PTPRB: variants seen among roughly 807,000 people sequenced by gnomAD.
The protein encoded by PTPRB is protein tyrosine phosphatase receptor type B.
PTPRB carries 97 observed loss-of-function variants against 238.1 expected under a neutral mutation model. That is an observed-to-expected ratio of 0.41 (90% CI 0.35 to 0.48). The LOEUF is 0.48. PTPRB is among the 20% of genes least tolerant of loss of function. The pLI, the probability that PTPRB is intolerant of heterozygous loss-of-function variation, is 0.30. For synonymous variants in PTPRB, 970 were observed against 995.4 expected (o/e 0.97, Z 0.48); for missense variants, 2,292 against 2,681.9 (o/e 0.85, Z 3.21).
rs915910652 is a variant in PTPRB, at chr12:70,596,375, A to C, written c.980-48T>G. The C allele has an allele frequency of 1.4e-5, 19 of 1,329,592 alleles. No individual in the cohort carries two copies. In the African/African-American group the frequency reaches 2.7e-4, roughly 19 times the overall value. The allele number at this position is 1,329,592 out of a possible 1,614,324, so 82.4% of individuals were successfully genotyped here. On this transcript the variant is annotated intron_variant, in intron 4 of 33. Transcript: ENST00000334414. ...CACACAAAAAAAAAAAAGAAAGAAAAAGAAAAAAAAAGAACATGGCTTGAA... is the reference window on the plus strand; with the variant it reads ...CACACAAAAAAAAAAAAGAAAGAAACAGAAAAAAAAAGAACATGGCTTGAA...
chr12:70,594,011 G>T (rs1284711654), intron 6 of PTPRB, among the ~76,000 whole-genome samples: 1 of 152,200 alleles, frequency 6.6e-6, no homozygotes, highest in Non-Finnish European at 1.5e-5. Flanking sequence ...GTCTAGGGTA[G>T]GCTGTGGGAG....
chr12:70,576,781 TAA>T (rs941629037), intron 10 of PTPRB, 136 bp from the exon 11 acceptor site: 16 of 601,866 alleles, frequency 2.7e-5, no homozygotes, highest in African/African-American at 2.6e-4. Context: ...TCTGATTATA[TAA>T]GAGGTCAAGG....
intron 3 of PTPRB, among the ~76,000 whole-genome samples, chr12:70,613,919 G>A (rs1204561096): frequency 1.3e-5 from 2 of 152,010 alleles, no homozygotes; most frequent in African/African-American, 2.4e-5. Context: ...AGGGAAGAGG[G>A]GAAAGAGAAG....
intron 2 of PTPRB, among the ~76,000 whole-genome samples, chr12:70,633,797 C>A (rs1009783698): frequency 6.6e-6 from 1 of 152,004 alleles, no homozygotes; most frequent in Non-Finnish European, 1.5e-5. Flanking sequence ...TATGAATTAT[C>A]TTTTATCTTG....
intron 20 of PTPRB, 27 bp from the exon 21 acceptor site, chr12:70,553,047 A>C: frequency 6.2e-7 from 1 of 1,600,458 alleles, no homozygotes; most frequent in Non-Finnish European, 8.5e-7. Context: ...ACAGTTAAGG[A>C]CTGCCTTTCT....
chr12:70,636,310 A>G (rs907276622), intron 1 of PTPRB, among the ~76,000 whole-genome samples: 12 of 149,608 alleles, frequency 8.0e-5, no homozygotes, highest in Admixed American at 7.3e-4. Flanking sequence ...TAATTTTCAC[A>G]TGCTTTAGGG....
chr12:70,553,492 A>T (rs1407632821), intron 20 of PTPRB, among the ~76,000 whole-genome samples: 2 of 152,224 alleles, frequency 1.3e-5, no homozygotes, highest in Non-Finnish European at 2.9e-5. Context: ...TCCACATGTC[A>T]TGCCCAGTTT....
chr12:70,629,171 C>T (rs1885332768), intron 2 of PTPRB, among the ~76,000 whole-genome samples: 3 of 151,902 alleles, frequency 2.0e-5, no homozygotes, highest in Admixed American at 6.6e-5. Context: ...TTAAAATTAC[C>T]CTTGAAACAT....
At chr12:70,537,941 C>G (rs1874425853) in intron 28 of PTPRB, 1 of 470,336 alleles carries the variant, frequency 2.1e-6, no homozygotes. Context: ...ATCTTGGGCT[C>G]ATAATTTCAT....
chr12:70,617,134 C>T (rs1470814655), intron 3 of PTPRB, among the ~76,000 whole-genome samples: 2 of 152,050 alleles, frequency 1.3e-5, no homozygotes, highest in African/African-American at 4.8e-5. Context: ...TTTTTGTGCA[C>T]AAAATGGAAA....
chr12:70,536,373 G>C (rs1283889149), intron 28 of PTPRB, among the ~76,000 whole-genome samples: 2 of 152,134 alleles, frequency 1.3e-5, no homozygotes, highest in African/African-American at 4.8e-5. Context: ...TACTTGCCTG[G>C]GTCTATTCTG....
Position 70,622,374 on chromosome 12 carries a change from C to T in PTPRB, c.708+16G>A. 1 of 1,610,520 alleles carries T rather than the reference C, an allele frequency of 6.2e-7. No individual in the cohort carries two copies. The highest frequency in any genetic ancestry group is 8.5e-7 in the Non-Finnish European group (1 of 1,178,662). ...AGACGTGCACAGACCACACTCCACA[C>T]ACCCCCTCCTTTTACCTCTTCAGTG... On this transcript the variant is annotated intron_variant, in intron 3 of 33. Transcript: ENST00000334414.
intron 20 of PTPRB, among the ~76,000 whole-genome samples, chr12:70,554,748 A>G (rs1267152780): frequency 1.3e-5 from 2 of 152,136 alleles, no homozygotes; most frequent in Non-Finnish European, 2.9e-5. Flanking sequence ...GGGAGGGGTG[A>G]AGACAGTTGA....
intron 1 of PTPRB, among the ~76,000 whole-genome samples, chr12:70,636,639 C>G (rs1885708321): frequency 6.6e-6 from 1 of 152,160 alleles, no homozygotes; most frequent in Non-Finnish European, 1.5e-5. Flanking sequence ...AACCTCCTAG[C>G]TAATTGCAGC....
intron 32 of PTPRB, chr12:70,527,533 A>G (rs1310011999): frequency 6.6e-6 from 1 of 151,858 alleles, no homozygotes; most frequent in East Asian, 1.9e-4. Flanking sequence ...GATGATTGAG[A>G]CTGTGACTAT....
At chr12:70,589,824 T>C in intron 8 of PTPRB, 140 bp downstream of exon 8, 1 of 767,940 alleles carries the variant, frequency 1.3e-6, no homozygotes, top group South Asian at 1.9e-5. Context: ...AGAAACCCCA[T>C]GTTAGCCTTA....
chr12:70,536,976 C>A (rs1874223884), intron 28 of PTPRB, among the ~76,000 whole-genome samples: 1 of 151,974 alleles, frequency 6.6e-6, no homozygotes, highest in African/African-American at 2.4e-5. Flanking sequence ...CTGAAATCAC[C>A]AAGAGGCTTG....
intron 3 of PTPRB, among the ~76,000 whole-genome samples, chr12:70,613,686 G>C (rs1026636213): frequency 6.6e-6 from 1 of 152,040 alleles, no homozygotes; most frequent in Non-Finnish European, 1.5e-5. Flanking sequence ...ACCTTTCCCG[G>C]TCATATGGAG....
At chr12:70,536,288 A>C (rs2136238048) in intron 28 of PTPRB, 129 bp from the exon 29 acceptor site, 2 of 1,046,916 alleles carry the variant, frequency 1.9e-6, no homozygotes, top group Non-Finnish European at 2.7e-6. Context: ...AGATACTAAC[A>C]CAAGTGTCAA....
Sources: gnomAD v4.1 joint callset for allele counts (sites outside exome capture counted in the v4.1 genomes callset) on GRCh38, gnomAD v4.1.1 for gene constraint, MANE v1.5 for transcripts, NCBI Gene and HGNC (gene_info 2026-07-23, HGNC 2026-07-21) for gene names.